Variants in TSC22D1 observed in about 807,000 individuals in gnomAD.
TSC22D1 encodes the protein TSC22 domain family member 1.
In TSC22D1, 9 loss-of-function variants were observed where a neutral mutation model predicts 74.2. That is an observed-to-expected ratio of 0.12 (90% CI 0.07 to 0.21). The LOEUF (loss-of-function observed/expected upper bound fraction) is 0.21, where lower values mean the gene tolerates loss of function less well. Among genes scored for constraint, TSC22D1 ranks in the 10% least tolerant of loss-of-function variants. The probability of loss-of-function intolerance (pLI) is 1.00; values close to 1 mark genes in which losing one functional copy is unlikely to be tolerated. For synonymous variants in TSC22D1, 586 were observed against 492.5 expected, an observed-to-expected ratio of 1.19 and a Z score of -2.51; for missense variants, 1,427 against 1,304.7, an observed-to-expected ratio of 1.09 and a Z score of -1.44.
chr13:44,519,052 G>A (rs1031100597), intron 1 of TSC22D1, among the ~76,000 whole-genome samples: 3 of 152,080 alleles, frequency 2.0e-5, no homozygotes, highest in Non-Finnish European at 4.4e-5. Context: ...ATCTAGAACC[G>A]GTCTAAATTT....
intron 1 of TSC22D1, chr13:44,537,377 C>T (rs971776115): frequency 2.9e-5 from 29 of 985,018 alleles, no homozygotes; most frequent in Non-Finnish European, 3.3e-5. Flanking sequence ...AATGCACTTA[C>T]ATTTCCTTTT....
chr13:44,539,435 T>A, intron 1 of TSC22D1: 1 of 985,328 alleles, frequency 1.0e-6, no homozygotes, highest in Non-Finnish European at 1.2e-6. Flanking sequence ...ACCTTTTAAA[T>A]TACTTGAATA....
chr13:44,513,271 T>G (rs573606087), intron 1 of TSC22D1, among the ~76,000 whole-genome samples: 5 of 152,238 alleles, frequency 3.3e-5, no homozygotes, highest in Non-Finnish European at 7.3e-5. Flanking sequence ...TTTGCTTTAC[T>G]GCATCTAGGA....
chr13:44,449,829 TA>T, intron 1 of TSC22D1, among the ~76,000 whole-genome samples: 1 of 152,326 alleles, frequency 6.6e-6, no homozygotes, highest in East Asian at 1.9e-4. Context: ...TAGAAAGATA[TA>T]AACTAGAATT....
At chr13:44,476,717 C>T (rs1232438393) in intron 1 of TSC22D1, among the ~76,000 whole-genome samples, 1 of 152,192 alleles carries the variant, frequency 6.6e-6, no homozygotes, top group Non-Finnish European at 1.5e-5. Flanking sequence ...TGCTGTGTCA[C>T]TCAGGCTGGA....
intron 1 of TSC22D1, among the ~76,000 whole-genome samples, chr13:44,470,794 G>GA (rs1256220273): frequency 2.0e-5 from 3 of 151,940 alleles, no homozygotes; most frequent in Non-Finnish European, 2.9e-5. Flanking sequence ...CCTCCAATAG[G>GA]AAAAAAATGC....
At chr13:44,467,118 C>G (rs185850119) in intron 1 of TSC22D1, among the ~76,000 whole-genome samples, 4 of 151,648 alleles carry the variant, frequency 2.6e-5, no homozygotes, top group Admixed American at 1.3e-4. Flanking sequence ...GCCAAGATCA[C>G]GCCACTGTAC....
At chr13:44,436,601 C>T in intron 1 of TSC22D1, 1 of 1,613,960 alleles carries the variant, frequency 6.2e-7, no homozygotes, top group South Asian at 1.1e-5. Context: ...AGATCCATCG[C>T]CACTGGTCTA....
At chr13:44,504,965 G>A (rs1176299634) in intron 1 of TSC22D1, among the ~76,000 whole-genome samples, 1 of 152,158 alleles carries the variant, frequency 6.6e-6, no homozygotes, top group African/African-American at 2.4e-5. Flanking sequence ...GATCTACTCT[G>A]GGATCTTTCT....
rs986302331 is a variant in TSC22D1, at chr13:44,495,443, T to C, written c.2913-59348A>G. ...CCTTCAGGTGGAAATGAAAGGATGC[T>C]AGATAATAACACAAAGCCATACAAA... is the stretch of plus-strand genomic sequence containing the variant. On this transcript the variant is annotated intron_variant, in intron 1 of 2. Coordinates refer to ENST00000458659, the MANE Select transcript of TSC22D1 (RefSeq NM_183422.4). Among the ~76,000 whole-genome samples the C allele has an allele frequency of 3.3e-4, 50 of 152,240 alleles. 2 individuals are homozygous for C. The highest frequency in any genetic ancestry group is 1.2e-3 in the African/African-American group (48 of 41,564).
chr13:44,513,560 C>T (rs1879837061), intron 1 of TSC22D1, among the ~76,000 whole-genome samples: 1 of 152,066 alleles, frequency 6.6e-6, no homozygotes, highest in Non-Finnish European at 1.5e-5. Flanking sequence ...AATGGCCTAA[C>T]AAAATAGAGT....
intron 1 of TSC22D1, among the ~76,000 whole-genome samples, chr13:44,571,972 G>C (rs948077647): frequency 1.3e-5 from 2 of 151,946 alleles, no homozygotes; most frequent in Non-Finnish European, 2.9e-5. Flanking sequence ...TTTGCAATAT[G>C]CTCAATTTTT....
chr13:44,530,432 C>T (rs762656704), intron 1 of TSC22D1, among the ~76,000 whole-genome samples: 2 of 151,318 alleles, frequency 1.3e-5, no homozygotes, highest in African/African-American at 2.4e-5. Flanking sequence ...ATGTAAATCA[C>T]AAAACTTAAA....
intron 1 of TSC22D1, among the ~76,000 whole-genome samples, chr13:44,548,638 T>C (rs1163951683): frequency 2.0e-5 from 3 of 152,136 alleles, no homozygotes; most frequent in African/African-American, 7.2e-5. Flanking sequence ...CAGTAAAACT[T>C]CAAAATAAAG....
chr13:44,487,517 A>G (rs1247154891), intron 1 of TSC22D1, among the ~76,000 whole-genome samples: 2 of 148,954 alleles, frequency 1.3e-5, no homozygotes, highest in East Asian at 2.0e-4. Context: ...AAAAAAAAAA[A>G]AAAAAAAAAA....
chr13:44,467,287 C>G (rs548249644), intron 1 of TSC22D1, among the ~76,000 whole-genome samples: 59 of 152,154 alleles, frequency 3.9e-4, no homozygotes, highest in African/African-American at 1.3e-3. Flanking sequence ...GACGTGAAAC[C>G]ATAAATATTC....
chr13:44,543,280 T>A (rs540599642), intron 1 of TSC22D1, among the ~76,000 whole-genome samples: 1 of 152,218 alleles, frequency 6.6e-6, no homozygotes, highest in African/African-American at 2.4e-5. Flanking sequence ...TTTTAAGCAT[T>A]TCTAATATCT....
intron 1 of TSC22D1, among the ~76,000 whole-genome samples, chr13:44,450,279 G>T (rs1235494363): frequency 2.6e-5 from 4 of 151,122 alleles, no homozygotes; most frequent in Non-Finnish European, 5.9e-5. Context: ...TAGGAGGTTG[G>T]AGTTTAGCAG....
intron 1 of TSC22D1, among the ~76,000 whole-genome samples, chr13:44,534,238 A>G (rs1298598812): frequency 6.6e-6 from 1 of 151,606 alleles, no homozygotes; most frequent in African/African-American, 2.4e-5. Context: ...GGAGAAAAAA[A>G]AAAAAAAAAG....
Sources: allele counts gnomAD v4.1 joint callset (sites outside exome capture counted in the v4.1 genomes callset), GRCh38; gene constraint gnomAD v4.1.1; transcripts MANE v1.5; gene names NCBI Gene and HGNC (gene_info 2026-07-23, HGNC 2026-07-21).